DNAJB6: variants seen among roughly 807,000 people sequenced by gnomAD.
The protein encoded by DNAJB6 is DnaJ heat shock protein family (Hsp40) member B6, also known as dnaJ homolog subfamily B member 6.
DNAJB6 carries 16 observed loss-of-function variants against 42.7 expected under a neutral mutation model. That is an observed-to-expected ratio of 0.37 (90% CI 0.25 to 0.57). DNAJB6 has a LOEUF of 0.57. DNAJB6 is among the 20% of genes least tolerant of loss of function. The pLI is 0.74. For synonymous variants in DNAJB6, 170 were observed against 163.5 expected (o/e 1.04, Z -0.30); for missense variants, 347 against 416.8 (o/e 0.83, Z 1.46).
intron 8 of DNAJB6, among the ~76,000 whole-genome samples, chr7:157,388,625 C>G (rs941398085): frequency 6.8e-6 from 1 of 147,634 alleles, no homozygotes; most frequent in Non-Finnish European, 1.5e-5. Flanking sequence ...TTTAAAAATA[C>G]TTCAATAGCT....
At chr7:157,406,576 G>A (rs902114580) in intron 8 of DNAJB6, among the ~76,000 whole-genome samples, 41 of 152,332 alleles carry the variant, frequency 2.7e-4, no homozygotes, top group African/African-American at 8.9e-4. Flanking sequence ...TGGCTGAGCT[G>A]TGCAGGAGAG....
intron 8 of DNAJB6, among the ~76,000 whole-genome samples, chr7:157,387,104 T>G (rs915106987): frequency 1.3e-5 from 2 of 152,172 alleles, no homozygotes; most frequent in Non-Finnish European, 2.9e-5. Flanking sequence ...CCGTGCTGGC[T>G]TTGCAGGAGG....
intron 8 of DNAJB6, among the ~76,000 whole-genome samples, chr7:157,392,167 G>T (rs1801378463): frequency 6.6e-6 from 1 of 151,362 alleles, no homozygotes; most frequent in Admixed American, 6.6e-5. Flanking sequence ...ATCAACAACG[G>T]ATTGGGGTCT....
intron 5 of DNAJB6, among the ~76,000 whole-genome samples, chr7:157,375,584 G>A (rs1800430170): frequency 2.0e-5 from 3 of 152,212 alleles, no homozygotes; most frequent in Non-Finnish European, 4.4e-5. Context: ...ACTATTCTAG[G>A]TGCTGGTTTG....
chr7:157,345,867 T>G (rs1451324226), intron 1 of DNAJB6, among the ~76,000 whole-genome samples: 1 of 152,160 alleles, frequency 6.6e-6, no homozygotes, highest in Non-Finnish European at 1.5e-5. Context: ...CTGTAGAAAT[T>G]ACTTCTTTTG....
At chr7:157,396,712 T>A (rs1384271594) in intron 8 of DNAJB6, among the ~76,000 whole-genome samples, 1 of 152,168 alleles carries the variant, frequency 6.6e-6, no homozygotes, top group East Asian at 1.9e-4. Flanking sequence ...AATTTCCGGC[T>A]TTCATAGCCC....
chr7:157,368,141 A>G (rs537485743), intron 5 of DNAJB6, among the ~76,000 whole-genome samples: 7 of 152,320 alleles, frequency 4.6e-5, no homozygotes, highest in African/African-American at 1.7e-4. Context: ...CAGTAGCTGT[A>G]AAATCTTTTC....
intron 8 of DNAJB6, 117 bp from the exon 9 acceptor site, chr7:157,409,678 G>A (rs1016286629): frequency 1.7e-6 from 2 of 1,161,550 alleles, no homozygotes; most frequent in African/African-American, 1.6e-5. Context: ...TCTCCTGCCC[G>A]GAGATGGCGC....
rs1366395439 is a variant in DNAJB6 at position 157,391,061 on chromosome 7, CTT to C, written c.691+5451_691+5452del. ...GTGTTGCCCAGGCTGGTCTTGAACT[CTT>C]GGGCTCGAGCGCATCACTCACTTTG... On this transcript the variant is annotated intron_variant, in intron 8 of 9. Coordinates refer to ENST00000262177, the MANE Select transcript of DNAJB6 (RefSeq NM_058246.4). Among the ~76,000 whole-genome samples, 4 of 152,154 alleles carry C rather than the reference CTT, an allele frequency of 2.6e-5. No homozygotes were observed. In the East Asian group the frequency reaches 7.7e-4, roughly 29 times the overall value.
chr7:157,406,085 C>T lies in DNAJB6; in HGVS notation c.692-3710C>T, dbSNP rs989014624. Among the ~76,000 whole-genome samples the T allele has an allele frequency of 3.3e-5, 5 of 152,228 alleles. No homozygotes were observed. In the South Asian group the frequency reaches 6.2e-4, roughly 19 times the overall value. On this transcript the variant is annotated intron_variant, in intron 8 of 9. Transcript: ENST00000262177. ...ACAGATAGAACCATCGAGGCCGAAT[C>T]GGGCAGTCCTCCTGTTCAGACCAAC...
intron 8 of DNAJB6, among the ~76,000 whole-genome samples, chr7:157,391,260 C>T (rs12534343): frequency 6.6e-6 from 1 of 152,086 alleles, no homozygotes; most frequent in African/African-American, 2.4e-5. Flanking sequence ...TTCGTACACA[C>T]ATTTCTGCCA....
At chr7:157,339,858 C>G (rs145590649) in intron 1 of DNAJB6, 1 of 152,268 alleles carries the variant, frequency 6.6e-6, no homozygotes, top group African/African-American at 2.4e-5. Context: ...AACTCCTGAC[C>G]TCAGGTGATC....
At chr7:157,404,401 C>T (rs1795668423) in intron 8 of DNAJB6, among the ~76,000 whole-genome samples, 2 of 151,266 alleles carry the variant, frequency 1.3e-5, no homozygotes, top group Admixed American at 6.6e-5. Flanking sequence ...AAGTAATTCT[C>T]CCACCTCAGC....
At chr7:157,382,199 A>G in intron 5 of DNAJB6, 47 bp from the exon 6 acceptor site, 3 of 1,530,130 alleles carry the variant, frequency 2.0e-6, no homozygotes, top group Non-Finnish European at 2.6e-6. Context: ...ATGAGGAAAA[A>G]AACTTGAAAA....
chr7:157,344,481 C>G (rs1798581331), intron 1 of DNAJB6, among the ~76,000 whole-genome samples: 1 of 151,450 alleles, frequency 6.6e-6, no homozygotes, highest in Admixed American at 6.6e-5. Flanking sequence ...CTGCTGCACT[C>G]CAGCCTGGGC....
intron 1 of DNAJB6, among the ~76,000 whole-genome samples, chr7:157,352,338 A>G (rs1221456806): frequency 1.3e-5 from 2 of 151,814 alleles, no homozygotes; most frequent in Admixed American, 6.6e-5. Context: ...ATATACATAT[A>G]TATGTATATA....
intron 8 of DNAJB6, among the ~76,000 whole-genome samples, chr7:157,392,408 GGTA>G (rs1277027366): frequency 4.7e-5 from 7 of 150,276 alleles, no homozygotes; most frequent in African/African-American, 1.7e-4. Flanking sequence ...CTTACTGTGT[GGTA>G]GTCTTAATTA....
At chr7:157,389,686 C>T (rs1219984226) in intron 8 of DNAJB6, among the ~76,000 whole-genome samples, 1 of 152,108 alleles carries the variant, frequency 6.6e-6, no homozygotes, top group Non-Finnish European at 1.5e-5. Flanking sequence ...CATTTGGCTA[C>T]GTTATTTCGT....
chr7:157,340,908 C>G (rs1302291002), intron 1 of DNAJB6, among the ~76,000 whole-genome samples: 1 of 152,028 alleles, frequency 6.6e-6, no homozygotes. Context: ...CTCAGGTGAT[C>G]CCCTGCCTCC....
Sources: gnomAD v4.1 joint callset for allele counts (sites outside exome capture counted in the v4.1 genomes callset) on GRCh38, gnomAD v4.1.1 for gene constraint, MANE v1.5 for transcripts, NCBI Gene and HGNC (gene_info 2026-07-23, HGNC 2026-07-21) for gene names.